Variants in LOC128462377 observed in about 807,000 individuals in gnomAD.
At chr16:89,328,142 G>T in the LOC128462377 span, among the ~76,000 whole-genome samples, 1 of 100,758 alleles carries the variant, frequency 9.9e-6, no homozygotes, top group Non-Finnish European at 2.3e-5. Flanking sequence ...ACAACTTAAA[G>T]CCGCAATGAG....
chr16:89,402,023 T>C, the LOC128462377 span, among the ~76,000 whole-genome samples: 2 of 150,914 alleles, frequency 1.3e-5, no homozygotes, highest in African/African-American at 4.9e-5. Context: ...AGATCCTTGC[T>C]GTGAAAGCTC....
the LOC128462377 span, among the ~76,000 whole-genome samples, chr16:89,396,666 C>T: frequency 4.6e-5 from 7 of 152,030 alleles, no homozygotes; most frequent in African/African-American, 1.4e-4. Flanking sequence ...TAAGGAAATG[C>T]TCCTCTAATT....
the LOC128462377 span, among the ~76,000 whole-genome samples, chr16:89,345,215 A>C: frequency 4.6e-5 from 7 of 152,198 alleles, no homozygotes; most frequent in Non-Finnish European, 8.8e-5. Flanking sequence ...ATGGAAAAAA[A>C]AAATGGAGCG....
chr16:89,390,543 CAAG>C, the LOC128462377 span, among the ~76,000 whole-genome samples: 1 of 152,142 alleles, frequency 6.6e-6, no homozygotes, highest in African/African-American at 2.4e-5. Context: ...TCTAGTGATC[CAAG>C]AAGCTCAACA....
chr16:89,360,526 G>A, the LOC128462377 span: 1 of 152,216 alleles, frequency 6.6e-6, no homozygotes, highest in Non-Finnish European at 1.5e-5. Flanking sequence ...TTATTGTTAT[G>A]TGCATTAGCC....
chr16:89,417,503 G>A, the LOC128462377 span, among the ~76,000 whole-genome samples: 14 of 152,230 alleles, frequency 9.2e-5, no homozygotes, highest in Admixed American at 7.2e-4. Flanking sequence ...AAGTCTTTTT[G>A]GAGACTGCTG....
At chr16:89,381,354 A>AAAAAAAAAAGGG in the LOC128462377 span, among the ~76,000 whole-genome samples, 3 of 125,344 alleles carry the variant, frequency 2.4e-5, no homozygotes, top group African/African-American at 9.9e-5. Flanking sequence ...AAAAAAAAAA[A>AAAAAAAAAAGGG]GGGGTGAGAA....
chr16:89,410,881 C>A, the LOC128462377 span, among the ~76,000 whole-genome samples: 1 of 152,138 alleles, frequency 6.6e-6, no homozygotes, highest in East Asian at 1.9e-4. Flanking sequence ...TGTGCGTGAA[C>A]ACGTGTTCTA....
chr16:89,330,828 T>C, the LOC128462377 span, among the ~76,000 whole-genome samples: 1 of 152,196 alleles, frequency 6.6e-6, no homozygotes, highest in Non-Finnish European at 1.5e-5. Context: ...TCAAAGATTC[T>C]GTGGACACTC....
chr16:89,381,331 C>CAAAA, the LOC128462377 span, among the ~76,000 whole-genome samples: 236 of 76,346 alleles, frequency 3.1e-3, 5 homozygotes, highest in African/African-American at 0.012. Context: ...GACTCTGCTG[C>CAAAA]AAAAAAAAAA....
chr16:89,406,724 G>A, the LOC128462377 span, among the ~76,000 whole-genome samples: 1 of 152,182 alleles, frequency 6.6e-6, no homozygotes, highest in Non-Finnish European at 1.5e-5. Flanking sequence ...ATGGACCTCA[G>A]TGCCTCCTTC....
chr16:89,318,281 A>G, the LOC128462377 span, among the ~76,000 whole-genome samples: 1 of 152,074 alleles, frequency 6.6e-6, no homozygotes, highest in Non-Finnish European at 1.5e-5. Context: ...AGGTTTGTTC[A>G]CCATCACAGC....
the LOC128462377 span, among the ~76,000 whole-genome samples, chr16:89,384,047 C>CT: frequency 6.6e-6 from 1 of 152,182 alleles, no homozygotes; most frequent in Non-Finnish European, 1.5e-5. Context: ...TGGCAAAACC[C>CT]TGTCTCTATT....
the LOC128462377 span, among the ~76,000 whole-genome samples, chr16:89,412,773 A>G: frequency 1.3e-5 from 2 of 152,186 alleles, no homozygotes; most frequent in East Asian, 3.8e-4. Flanking sequence ...CACTGGCCCC[A>G]TGAGAATCAC....
the LOC128462377 span, among the ~76,000 whole-genome samples, chr16:89,351,193 G>T: frequency 1.3e-5 from 2 of 152,218 alleles, no homozygotes; most frequent in African/African-American, 4.8e-5. Context: ...GCAGAGAGGC[G>T]GCGGCGGCAG....
chr16:89,377,125 A>T, the LOC128462377 span, among the ~76,000 whole-genome samples: 1 of 152,176 alleles, frequency 6.6e-6, no homozygotes, highest in African/African-American at 2.4e-5. Context: ...GGTCCCCCAG[A>T]ACCCCGTGAG....
the LOC128462377 span, among the ~76,000 whole-genome samples, chr16:89,408,618 C>T: frequency 3.9e-5 from 6 of 152,174 alleles, no homozygotes; most frequent in East Asian, 3.8e-4. Flanking sequence ...GCATGAAAGA[C>T]GTCCCAGCCG....
chr16:89,388,914 G>A, the LOC128462377 span, among the ~76,000 whole-genome samples: 1 of 152,164 alleles, frequency 6.6e-6, no homozygotes, highest in Non-Finnish European at 1.5e-5. Flanking sequence ...AGGTTCCAAG[G>A]AACTATGTGG....
the LOC128462377 span, among the ~76,000 whole-genome samples, chr16:89,399,368 G>C: frequency 6.6e-6 from 1 of 152,116 alleles, no homozygotes; most frequent in Non-Finnish European, 1.5e-5. Context: ...GACAAAAAAG[G>C]ACCATAGACG....
Sources: allele counts gnomAD v4.1 joint callset (sites outside exome capture counted in the v4.1 genomes callset), GRCh38; gene constraint gnomAD v4.1.1; transcripts MANE v1.5.